Variants in RGS9 observed in about 807,000 individuals in gnomAD.
RGS9 encodes regulator of G protein signaling 9, also known as regulator of G-protein signalling 9.
RGS9 carries 78 observed loss-of-function variants against 102.0 expected under a neutral mutation model. The observed-to-expected ratio is 0.76, with a 90% CI of 0.64 to 0.92. The LOEUF is 0.92. Ranked by LOEUF, RGS9 falls within the 40% of genes least tolerant of loss-of-function variation. The probability of loss-of-function intolerance (pLI) is 0.00; values close to 1 mark genes in which losing one functional copy is unlikely to be tolerated. For missense variants in RGS9, 833 were observed against 866.1 expected, an observed-to-expected ratio of 0.96 and a Z score of 0.48; for synonymous variants, 353 against 318.6, an observed-to-expected ratio of 1.11 and a Z score of -1.15.
chr17:65,145,979 A>C (rs547267493), intron 1 of RGS9, among the ~76,000 whole-genome samples: 4 of 152,250 alleles, frequency 2.6e-5, no homozygotes, highest in African/African-American at 9.6e-5. Context: ...GAAGGGTGAC[A>C]CACCTCCTAG....
intron 14 of RGS9, among the ~76,000 whole-genome samples, chr17:65,203,052 G>A (rs1343397853): frequency 6.6e-6 from 1 of 152,232 alleles, no homozygotes; most frequent in Non-Finnish European, 1.5e-5. Flanking sequence ...TGGGCAGCAG[G>A]CCAAACAGCC....
chr17:65,197,845 A>G (rs1433645924), intron 13 of RGS9, among the ~76,000 whole-genome samples: 1 of 151,316 alleles, frequency 6.6e-6, no homozygotes, highest in Non-Finnish European at 1.5e-5. Context: ...ATTGTTTTGT[A>G]TTTTGAGTAG....
intron 17 of RGS9, among the ~76,000 whole-genome samples, chr17:65,213,725 C>G (rs887892251): frequency 6.6e-6 from 1 of 152,142 alleles, no homozygotes; most frequent in Non-Finnish European, 1.5e-5. Flanking sequence ...ACTATGTGCT[C>G]TGTGTCAGGC....
rs866158145 is a variant in RGS9 at position 65,227,363 on chromosome 17, C to T, written c.1981C>T (p.Arg661Trp). 3.2e-5 allele frequency: 52 copies of T among 1,613,974 alleles called. No homozygotes were observed. Among genetic ancestry groups the T allele is most frequent in the Middle Eastern group, 1.6e-4 (1 of 6,082 alleles). Residue 661 changes from arginine to tryptophan, a missense_variant, in exon 19 of 19, where the codon CGG (arginine) becomes TGG (tryptophan). This residue lies in a region of RGS9 where 320 missense variants were observed against 276.8 expected (regional missense o/e 1.16). Coordinates refer to ENST00000262406, the MANE Select transcript of RGS9 (RefSeq NM_003835.4). The part of the protein sequence containing the change: ...EDAGTGESGD[R>W]ATEKEVICPW... Reference sequence around the variant, plus strand: ...TGCTGGAACAGGAGAGTCGGGTGACCGGGCCACAGAAAAGGAGGTCATCTG... The same window carrying T: ...TGCTGGAACAGGAGAGTCGGGTGACTGGGCCACAGAAAAGGAGGTCATCTG...
At chr17:65,181,357 T>C (rs1270544029) in intron 9 of RGS9, among the ~76,000 whole-genome samples, 2 of 152,244 alleles carry the variant, frequency 1.3e-5, no homozygotes, top group Non-Finnish European at 2.9e-5. Context: ...TGTTATCTCA[T>C]TGTGGTTTTG....
intron 7 of RGS9, among the ~76,000 whole-genome samples, chr17:65,167,583 G>C (rs969748680): frequency 6.6e-6 from 1 of 152,148 alleles, no homozygotes; most frequent in African/African-American, 2.4e-5. Flanking sequence ...CAGAGTAGAA[G>C]TTACAGGCAC....
chr17:65,202,422 T>G (rs1912888308), intron 14 of RGS9, among the ~76,000 whole-genome samples: 1 of 131,280 alleles, frequency 7.6e-6, no homozygotes, highest in Admixed American at 8.0e-5. Context: ...TGTGTGTGTG[T>G]GTGTGTGTGT....
intron 9 of RGS9, among the ~76,000 whole-genome samples, chr17:65,185,022 C>T (rs1912056629): frequency 6.6e-6 from 1 of 152,038 alleles, no homozygotes; most frequent in African/African-American, 2.4e-5. Flanking sequence ...AGGCATGTAC[C>T]ACCATCCATA....
chr17:65,138,958 GCC>G (rs1910019305), intron 1 of RGS9, among the ~76,000 whole-genome samples: 1 of 106,356 alleles, frequency 9.4e-6, no homozygotes, highest in Non-Finnish European at 1.8e-5. Flanking sequence ...CTCCTCCCCA[GCC>G]ACCCCTCCTC....
chr17:65,215,425 A>G (rs1262101486), intron 17 of RGS9, among the ~76,000 whole-genome samples: 1 of 151,898 alleles, frequency 6.6e-6, no homozygotes, highest in Non-Finnish European at 1.5e-5. Flanking sequence ...AAATGTGTAC[A>G]CCATTCATGT....
At chr17:65,202,136 C>T (rs1912872965) in intron 14 of RGS9, 56 bp downstream of exon 14, 6 of 1,225,324 alleles carry the variant, frequency 4.9e-6, no homozygotes, top group Non-Finnish European at 6.0e-6. Flanking sequence ...AGGACCACCC[C>T]ATTGTGCTTG....
chr17:65,137,744 T>G (rs148944381), intron 1 of RGS9, 147 bp downstream of exon 1: 13 of 698,072 alleles, frequency 1.9e-5, no homozygotes, highest in Admixed American at 1.1e-4. Flanking sequence ...CTTTGCTGTG[T>G]GTGTCGATAT....
At chr17:65,187,824 C>T (rs943421164) in intron 9 of RGS9, among the ~76,000 whole-genome samples, 4 of 152,270 alleles carry the variant, frequency 2.6e-5, no homozygotes, top group Non-Finnish European at 5.9e-5. Flanking sequence ...GGTAAAACCC[C>T]GTCTCTACTA....
chr17:65,218,388 G>A (rs1035628917), intron 17 of RGS9, among the ~76,000 whole-genome samples: 1 of 152,164 alleles, frequency 6.6e-6, no homozygotes, highest in South Asian at 2.1e-4. Context: ...CTTAAACATC[G>A]CTAAATGAAC....
intron 8 of RGS9, among the ~76,000 whole-genome samples, chr17:65,172,929 TC>T (rs1911475290): frequency 2.0e-5 from 3 of 149,586 alleles, no homozygotes; most frequent in African/African-American, 7.3e-5. Context: ...TTTCTTTCTT[TC>T]TTTTTTTTTT....
Position 65,173,073 on chromosome 17 carries a change from C to A in RGS9, c.583-4659C>A, listed in dbSNP as rs114521910. Among the ~76,000 whole-genome samples, 1,548 of 152,088 alleles carry A rather than the reference C, an allele frequency of 0.01. 24 individuals are homozygous for A. Among genetic ancestry groups the A allele is most frequent in the African/African-American group, 0.036 (1,477 of 41,476 alleles). On this transcript the variant is annotated intron_variant, in intron 8 of 18. Transcript: ENST00000262406. The surrounding 1 kb of genome is among the most constrained non-coding windows in gnomAD (Gnocchi z 4.8). ...GAGTAGCTGGAATTACAGGTGTGCG[C>A]CACCTCGCCTGGCTAATTTTTTGTA...
chr17:65,186,835 G>A (rs929717997), intron 9 of RGS9, among the ~76,000 whole-genome samples: 11 of 152,212 alleles, frequency 7.2e-5, no homozygotes, highest in Non-Finnish European at 5.9e-5. Flanking sequence ...CTTTGCAGTA[G>A]TTGCTAGGCA....
intron 15 of RGS9, among the ~76,000 whole-genome samples, chr17:65,205,462 CAT>C (rs892374345): frequency 2.0e-5 from 3 of 151,116 alleles, no homozygotes; most frequent in Admixed American, 6.6e-5. Context: ...GATTATATGA[CAT>C]AGGTTGCGTG....
intron 9 of RGS9, among the ~76,000 whole-genome samples, chr17:65,181,482 G>A (rs980023719): frequency 6.6e-6 from 1 of 152,244 alleles, no homozygotes; most frequent in Non-Finnish European, 1.5e-5. Flanking sequence ...GGTGTCTCGG[G>A]CCCTGGGTGG....
Sources: allele counts gnomAD v4.1 joint callset (sites outside exome capture counted in the v4.1 genomes callset), GRCh38; gene constraint gnomAD v4.1.1; regional missense constraint gnomAD v4.1.1; non-coding constraint Gnocchi (gnomAD v3.1); transcripts MANE v1.5; gene names NCBI Gene and HGNC (gene_info 2026-07-23, HGNC 2026-07-21).